AKAP10: variants seen among roughly 807,000 people sequenced by gnomAD.
AKAP10 encodes A-kinase anchor protein 10, mitochondrial.
AKAP10 carries 24 observed loss-of-function variants against 80.8 expected under a neutral mutation model. The ratio of observed to expected loss-of-function variants is 0.30; its 90% CI spans 0.22 to 0.42. AKAP10 has a LOEUF of 0.42. AKAP10 is among the 10% of genes least tolerant of loss of function. AKAP10 has a pLI of 1.00. For synonymous variants in AKAP10, 291 were observed against 277.7 expected (o/e 1.05, Z -0.48); for missense variants, 661 against 794.9 (o/e 0.83, Z 2.03).
intron 9 of AKAP10, 130 bp from the exon 10 acceptor site, chr17:19,932,108 C>G (rs1418475259): frequency 7.2e-6 from 6 of 831,284 alleles, no homozygotes; most frequent in Non-Finnish European, 1.1e-5. Flanking sequence ...GTTTTTACTT[C>G]TTGTTGTACT....
chr17:19,907,315 G>A (rs1201995884), intron 14 of AKAP10, among the ~76,000 whole-genome samples: 2 of 151,950 alleles, frequency 1.3e-5, no homozygotes, highest in South Asian at 2.1e-4. Context: ...TACCACGCCC[G>A]GCCCCCATTT....
At chr17:19,977,238 TA>T (rs902783836) in intron 1 of AKAP10, among the ~76,000 whole-genome samples, 4 of 152,210 alleles carry the variant, frequency 2.6e-5, no homozygotes, top group Non-Finnish European at 5.9e-5. Context: ...CAGACTTCCA[TA>T]ATAAGGTTCT....
At chr17:19,968,270 G>C (rs948419113) in intron 2 of AKAP10, 144 bp downstream of exon 2, 2 of 605,882 alleles carry the variant, frequency 3.3e-6, no homozygotes, top group East Asian at 2.9e-5. Flanking sequence ...AGGTTAAAGA[G>C]GGAAATAAAT....
chr17:19,962,891 T>C lies in AKAP10; in HGVS notation c.268A>G (p.Thr90Ala), dbSNP rs368283654. ...ATGTGGCTTGGCTGCTTCTTAAGTG[T>C]GGCTGTCCTGCTACTTGAAAAGGAG... ...MDSFSSSRTA[T>A]LKKQPSHMEA... is the part of the protein sequence containing the mutation. Residue 90 changes from threonine (T) to alanine (A), a missense_variant, in exon 3 of 15, where the codon ACA becomes GCA. Thr to Ala is a moderately conservative substitution (Grantham distance 58). Coordinates refer to ENST00000225737, the MANE Select transcript of AKAP10 (RefSeq NM_007202.4). 11 of 1,614,068 alleles carry C rather than the reference T, an allele frequency of 6.8e-6. No individual in the cohort carries two copies. The highest frequency in any genetic ancestry group is 9.3e-6 in the Non-Finnish European group (11 of 1,180,022).
At chr17:19,957,962 T>TA (rs1377623064) in intron 4 of AKAP10, 52 bp downstream of exon 4, 8 of 1,501,970 alleles carry the variant, frequency 5.3e-6, no homozygotes, top group Non-Finnish European at 7.2e-6. Flanking sequence ...CTTAGTAAAT[T>TA]AAAAAAAGAA....
chr17:19,906,312 C>T, intron 14 of AKAP10, 80 bp from the exon 15 acceptor site: 1 of 1,480,860 alleles, frequency 6.8e-7, no homozygotes, highest in Non-Finnish European at 9.3e-7. Flanking sequence ...AGGATGGACA[C>T]CAACACTTAG....
In AKAP10 at chr17:19,947,036, C is replaced by A. The variant is rs991690298; in HGVS notation, c.976+371G>T. 2.6e-5 allele frequency: 5 copies of A among 189,024 alleles called. No individual in the cohort carries two copies. In the Admixed American group the frequency reaches 3.0e-4, roughly 11 times the overall value. 11.7% of individuals were successfully genotyped at this position (189,024 alleles called of 1,614,324 possible). ...ACTTTGGTACCGGCTTTTAGCCTCA[C>A]TGGACTTCCAACCCCAGAAGTTTCT... On this transcript the variant is annotated intron_variant, in intron 5 of 14. Transcript: ENST00000225737.
intron 11 of AKAP10, 102 bp from the exon 12 acceptor site, chr17:19,920,220 A>C (rs1459629379): frequency 1.2e-6 from 1 of 843,064 alleles, no homozygotes; most frequent in African/African-American, 1.7e-5. Context: ...AGAAAGCCAG[A>C]AACACAATTT....
chr17:19,954,854 G>GGGCT (rs2043256181), intron 4 of AKAP10, among the ~76,000 whole-genome samples: 1 of 151,844 alleles, frequency 6.6e-6, no homozygotes, highest in Non-Finnish European at 1.5e-5. Flanking sequence ...CTTAGGCAAA[G>GGGCT]GGCTCTTAGG....
intron 1 of AKAP10, among the ~76,000 whole-genome samples, chr17:19,970,399 C>T (rs1412838437): frequency 6.6e-6 from 1 of 152,250 alleles, no homozygotes; most frequent in Non-Finnish European, 1.5e-5. Flanking sequence ...AACATATACA[C>T]AACTCAACAA....
At chr17:19,917,246 CAGAG>C (rs1335281100) in intron 12 of AKAP10, among the ~76,000 whole-genome samples, 1 of 151,528 alleles carries the variant, frequency 6.6e-6, no homozygotes, top group South Asian at 2.1e-4. Context: ...GCCTGGCCGA[CAGAG>C]AGAGACTCCA....
Position 19,931,920 on chromosome 17 carries a change from A to C in AKAP10, c.1526T>G (p.Ile509Ser). The change falls in exon 10 of 15, where the codon ATC (isoleucine) becomes AGC (serine). Residue 509 changes from isoleucine (I) to serine (S), a missense_variant. By Grantham distance (142) the Ile-to-Ser change is moderately radical. Transcript: ENST00000225737. ...AAATTCATCTCCTCGAACCGAATGG[A>C]TGAGATCATTCAAATATTTATAATA... ...NLYYKYLNDL[I>S]HSVRGDEFLG... 1.9e-6 allele frequency: 3 copies of C among 1,614,110 alleles called. No homozygotes were observed. Among genetic ancestry groups the C allele is most frequent in the Non-Finnish European group, 2.5e-6 (3 of 1,180,016 alleles).
chr17:19,952,259 T>C (rs2043223931), intron 4 of AKAP10, among the ~76,000 whole-genome samples: 1 of 150,436 alleles, frequency 6.6e-6, no homozygotes, highest in African/African-American at 2.5e-5. Flanking sequence ...AGGTCAGGAG[T>C]TCAAGACGAG....
chr17:19,942,455 T>G (rs1231485017), intron 5 of AKAP10, among the ~76,000 whole-genome samples: 1 of 152,168 alleles, frequency 6.6e-6, no homozygotes, highest in African/African-American at 2.4e-5. Context: ...ACAAGAAAAC[T>G]AACACTAGTG....
intron 6 of AKAP10, 119 bp from the exon 7 acceptor site, chr17:19,941,129 T>C: frequency 9.8e-7 from 1 of 1,023,302 alleles, no homozygotes; most frequent in Non-Finnish European, 1.4e-6. Context: ...CAACACTACC[T>C]TACTCCCCAT....
At chr17:19,917,830 G>A (rs553625187) in intron 12 of AKAP10, among the ~76,000 whole-genome samples, 1 of 152,170 alleles carries the variant, frequency 6.6e-6, no homozygotes, top group South Asian at 2.1e-4. Context: ...GGCTGAGGCA[G>A]AATAATTGCT....
chr17:19,930,283 G>A (rs1461742093), intron 10 of AKAP10, among the ~76,000 whole-genome samples: 1 of 152,080 alleles, frequency 6.6e-6, no homozygotes, highest in Admixed American at 6.6e-5. Flanking sequence ...AATATTTCTG[G>A]CTCTATCATT....
At chr17:19,955,232 AT>A (rs1205704656) in intron 4 of AKAP10, among the ~76,000 whole-genome samples, 1 of 151,954 alleles carries the variant, frequency 6.6e-6, no homozygotes, top group Non-Finnish European at 1.5e-5. Context: ...AAAAAAAAAA[AT>A]AAGAAAAAAA....
intron 10 of AKAP10, 78 bp downstream of exon 10, chr17:19,931,727 A>T: frequency 1.4e-6 from 2 of 1,457,628 alleles, no homozygotes; most frequent in African/African-American, 2.9e-5. Flanking sequence ...ATTTACAAAT[A>T]ATAGGATCTG....
Sources: allele counts gnomAD v4.1 joint callset (sites outside exome capture counted in the v4.1 genomes callset), GRCh38; gene constraint gnomAD v4.1.1; transcripts MANE v1.5; gene names NCBI Gene and HGNC (gene_info 2026-07-23, HGNC 2026-07-21).